The following ROR2 variants were observed in gnomAD, a reference collection of about 807,000 sequenced individuals.
ROR2 encodes tyrosine-protein kinase transmembrane receptor ROR2.
In ROR2, 33 loss-of-function variants were observed where a neutral mutation model predicts 74.9. The observed-to-expected ratio is 0.44, with a 90% CI of 0.33 to 0.59. ROR2 has a LOEUF of 0.59. Among genes scored for constraint, ROR2 ranks in the 20% least tolerant of loss-of-function variants. The pLI is 0.02. For synonymous variants in ROR2, 586 were observed against 558.7 expected, an observed-to-expected ratio of 1.05 and a Z score of -0.69; for missense variants, 1,216 against 1,313.8, an observed-to-expected ratio of 0.93 and a Z score of 1.15.
At position 91,867,656 on chromosome 9, in the gene ROR2, C is replaced by CTGTGTGTGTGTGTGTGTG. The variant is rs57475950; in HGVS notation, c.97+82193_97+82210dup. ...ACAAGTTCCTGAGACCACCCATGAG[C>CTGTGTGTGTGTGTGTGTG]TGTGTGTGTGTGTGTGTGTGTGTGT... is the stretch of plus-strand genomic sequence containing the variant. On this transcript the variant is annotated intron_variant, in intron 1 of 8. Transcript: ENST00000375708. Among the ~76,000 whole-genome samples the CTGTGTGTGTGTGTGTGTG allele has an allele frequency of 5.0e-3, 655 of 131,366 alleles. 7 individuals carry two copies. The highest frequency in any genetic ancestry group is 7.5e-3 in the African/African-American group (262 of 34,822). The allele number at this position is 131,366 out of a possible 152,430, so 86.2% of individuals were successfully genotyped here. A position where few individuals can be genotyped will look rare whatever the true frequency, so the allele number is the denominator to read the frequency against.
chr9:91,838,061 T>C (rs7847748), intron 1 of ROR2, among the ~76,000 whole-genome samples: 26,317 of 152,202 alleles, frequency 0.17, 3,761 homozygotes, highest in African/African-American at 0.39. Context: ...TTTACTGCCT[T>C]GTCTGGGAGT....
chr9:91,790,313 A>C (rs1295926457), intron 1 of ROR2, among the ~76,000 whole-genome samples: 1 of 152,024 alleles, frequency 6.6e-6, no homozygotes, highest in Non-Finnish European at 1.5e-5. Context: ...CATCCTGGCC[A>C]ACATGATGAA....
At chr9:91,790,485 G>A (rs1010367824) in intron 1 of ROR2, among the ~76,000 whole-genome samples, 1 of 150,774 alleles carries the variant, frequency 6.6e-6, no homozygotes, top group East Asian at 1.9e-4. Flanking sequence ...ACTCCAGCCT[G>A]GTGACAGAGC....
At chr9:91,858,974 A>T (rs1829385149) in intron 1 of ROR2, among the ~76,000 whole-genome samples, 2 of 152,074 alleles carry the variant, frequency 1.3e-5, no homozygotes, top group African/African-American at 4.8e-5. Flanking sequence ...GTCACCGGGG[A>T]CACCAGGCAA....
At chr9:91,843,117 G>A (rs183912694) in intron 1 of ROR2, among the ~76,000 whole-genome samples, 3 of 152,370 alleles carry the variant, frequency 2.0e-5, no homozygotes, top group South Asian at 4.1e-4. Flanking sequence ...GCGCAGGAGG[G>A]AAAGAGCATG....
chr9:91,742,122 G>A (rs1170881593), intron 4 of ROR2, among the ~76,000 whole-genome samples: 1 of 152,180 alleles, frequency 6.6e-6, no homozygotes, highest in African/African-American at 2.4e-5. Flanking sequence ...ATCATGGTGG[G>A]AGGCACAAGG....
In ROR2 at chr9:91,841,382, A is replaced by C. The variant is rs1419963720; in HGVS notation, c.98-65564T>G. On this transcript the variant is annotated intron_variant, in intron 1 of 8. Transcript: ENST00000375708. ...TAAATGCTCCTCTACCAATTCATAAATTCTCTTAGGTCTCGGAATGTGGCT... is the reference window on the plus strand; with the variant it reads ...TAAATGCTCCTCTACCAATTCATAACTTCTCTTAGGTCTCGGAATGTGGCT... 2.6e-5 allele frequency among the ~76,000 whole-genome samples: 4 copies of C among 152,278 alleles called. No individual in the cohort carries two copies. In the East Asian group the frequency reaches 7.7e-4, roughly 29 times the overall value.
At chr9:91,741,093 C>A (rs542210951) in intron 4 of ROR2, among the ~76,000 whole-genome samples, 20 of 151,944 alleles carry the variant, frequency 1.3e-4, no homozygotes, top group African/African-American at 4.6e-4. Context: ...TGAGGTCAGG[C>A]GATCGAGACC....
At chr9:91,872,186 C>G (rs1476561913) in intron 1 of ROR2, among the ~76,000 whole-genome samples, 1 of 152,010 alleles carries the variant, frequency 6.6e-6, no homozygotes, top group Admixed American at 6.6e-5. Flanking sequence ...TCTCCCTTTT[C>G]CTGGAAAACA....
chr9:91,722,666 G>C lies in ROR2; in HGVS notation c.*996C>G, dbSNP rs181673474. 3 of 777,692 alleles carry C rather than the reference G, an allele frequency of 3.9e-6. No individual in the cohort carries two copies. Among genetic ancestry groups the C allele is most frequent in the Middle Eastern group, 2.3e-4 (1 of 4,440 alleles). 48.2% of individuals were successfully genotyped at this position (777,692 alleles called of 1,614,324 possible). ...TACAAATAGGACCAACAATGTGTGC[G>C]GGGCACAGACGGCTGCCTGTGGGTC... On this transcript the variant is annotated 3_prime_UTR_variant, in exon 9 of 9. Transcript: ENST00000375708.
intron 2 of ROR2, among the ~76,000 whole-genome samples, chr9:91,769,056 G>A (rs1204281955): frequency 6.6e-6 from 1 of 152,182 alleles, no homozygotes; most frequent in Non-Finnish European, 1.5e-5. Flanking sequence ...TTGCGTGGCT[G>A]TGGGCCGGGC....
At chr9:91,725,313 CT>C (rs1364783006) in intron 8 of ROR2, among the ~76,000 whole-genome samples, 1 of 152,134 alleles carries the variant, frequency 6.6e-6, no homozygotes, top group Non-Finnish European at 1.5e-5. Flanking sequence ...GCCAAGGTTG[CT>C]TCCCATCTGC....
rs761223603 is a variant in ROR2, at chr9:91,723,622, G to A, written c.*40C>T. The A allele has an allele frequency of 1.3e-5, 21 of 1,607,880 alleles. No homozygotes were observed. Among genetic ancestry groups the A allele is most frequent in the East Asian group, 4.5e-5 (2 of 44,872 alleles). On this transcript the variant is annotated 3_prime_UTR_variant, in exon 9 of 9. Transcript: ENST00000375708. ...GTGACTGAGGTCCCTGTGGGGTCTC[G>A]GCGGGGCTTCTATCCCCGAACCCCG...
At chr9:91,915,873 C>T (rs1484743382) in intron 1 of ROR2, among the ~76,000 whole-genome samples, 1 of 152,166 alleles carries the variant, frequency 6.6e-6, no homozygotes, top group African/African-American at 2.4e-5. Flanking sequence ...ATTTTACAAT[C>T]CTCCTATAAA....
chr9:91,911,702 C>G (rs554286025), intron 1 of ROR2, among the ~76,000 whole-genome samples: 20 of 151,932 alleles, frequency 1.3e-4, no homozygotes, highest in African/African-American at 4.6e-4. Flanking sequence ...TGGAGGAGAA[C>G]ATGATGAGAA....
intron 2 of ROR2, among the ~76,000 whole-genome samples, chr9:91,770,143 G>A (rs1471284786): frequency 6.6e-6 from 1 of 152,238 alleles, no homozygotes; most frequent in Non-Finnish European, 1.5e-5. Flanking sequence ...TAACAGAGCA[G>A]TCTGCTGCAG....
intron 2 of ROR2, among the ~76,000 whole-genome samples, chr9:91,766,492 G>A (rs1237784487): frequency 6.6e-6 from 1 of 152,182 alleles, no homozygotes; most frequent in Non-Finnish European, 1.5e-5. Flanking sequence ...TGGGAGGGCT[G>A]CCAAATGAGT....
intron 1 of ROR2, among the ~76,000 whole-genome samples, chr9:91,852,336 G>C (rs1434424608): frequency 1.3e-5 from 2 of 152,116 alleles, no homozygotes; most frequent in Non-Finnish European, 2.9e-5. Flanking sequence ...GCTTAATTTA[G>C]CTTCCCCACT....
intron 1 of ROR2, among the ~76,000 whole-genome samples, chr9:91,820,424 G>A (rs1046458180): frequency 2.6e-5 from 4 of 152,214 alleles, no homozygotes; most frequent in Middle Eastern, 6.8e-3. Context: ...GGGTGTCCTG[G>A]GGAACTCACA....
Sources: gnomAD v4.1 joint callset for allele counts (sites outside exome capture counted in the v4.1 genomes callset) on GRCh38, gnomAD v4.1.1 for gene constraint, MANE v1.5 for transcripts, NCBI Gene and HGNC (gene_info 2026-07-23, HGNC 2026-07-21) for gene names.